NEK7: variants seen among roughly 807,000 people sequenced by gnomAD.
NEK7 encodes the protein NIMA related kinase 7, also known as serine/threonine-protein kinase Nek7.
Under a neutral mutation model 44.6 loss-of-function variants are expected in NEK7, and 18 were observed. That is an observed-to-expected ratio of 0.40 (90% CI 0.28 to 0.60). NEK7 has a LOEUF of 0.60. Ranked by LOEUF, NEK7 falls within the 20% of genes least tolerant of loss-of-function variation. NEK7 has a pLI of 0.38. For synonymous variants in NEK7, 130 were observed against 121.1 expected (o/e 1.07, Z -0.48); for missense variants, 256 against 366.5 (o/e 0.70, Z 2.46).
At chr1:198,211,954 A>T (rs1665786246) in intron 1 of NEK7, among the ~76,000 whole-genome samples, 7 of 152,228 alleles carry the variant, frequency 4.6e-5, no homozygotes, top group Admixed American at 4.6e-4. Flanking sequence ...GAGCGGGACA[A>T]TCCAGGCCAT....
intron 1 of NEK7, among the ~76,000 whole-genome samples, chr1:198,171,935 T>C (rs998245034): frequency 3.9e-5 from 6 of 152,340 alleles, no homozygotes; most frequent in African/African-American, 1.4e-4. Flanking sequence ...TGAACTCATG[T>C]AGTAGCAGTA....
intron 9 of NEK7, among the ~76,000 whole-genome samples, chr1:198,301,367 G>T (rs527396414): frequency 6.6e-6 from 1 of 152,102 alleles, no homozygotes; most frequent in South Asian, 2.1e-4. Context: ...TGGCTAACAC[G>T]GTGAAACCCC....
intron 4 of NEK7, 70 bp downstream of exon 4, chr1:198,262,707 T>G: frequency 2.2e-6 from 2 of 912,928 alleles, no homozygotes; most frequent in South Asian, 3.4e-5. Context: ...AATATCACAC[T>G]TAAACACAAA....
At chr1:198,172,294 TAAAG>T (rs1040665808) in intron 1 of NEK7, among the ~76,000 whole-genome samples, 20 of 152,258 alleles carry the variant, frequency 1.3e-4, no homozygotes, top group Middle Eastern at 3.4e-3. Flanking sequence ...TGAAATGAAA[TAAAG>T]AAACTAGAAA....
At chr1:198,318,024 G>A (rs558999194) in intron 9 of NEK7, among the ~76,000 whole-genome samples, 2 of 151,328 alleles carry the variant, frequency 1.3e-5, no homozygotes, top group African/African-American at 2.4e-5. Flanking sequence ...TCTTTTGGAA[G>A]GAATATAAAT....
intron 1 of NEK7, among the ~76,000 whole-genome samples, chr1:198,210,919 A>AT (rs967593560): frequency 1.3e-5 from 2 of 151,140 alleles, no homozygotes; most frequent in African/African-American, 4.9e-5. Context: ...CGCCCGGCTA[A>AT]TTTTTTGTAT....
intron 5 of NEK7, among the ~76,000 whole-genome samples, chr1:198,265,535 A>T (rs1653624774): frequency 6.6e-6 from 1 of 152,114 alleles, no homozygotes; most frequent in Admixed American, 6.6e-5. Flanking sequence ...AGACCGGCTG[A>T]CTAGAAACAG....
chr1:198,179,798 AGT>A (rs10554737), intron 1 of NEK7, among the ~76,000 whole-genome samples: 75,782 of 150,666 alleles, frequency 0.5, 22,486 homozygotes, highest in East Asian at 0.89. Context: ...GTTACACAGG[AGT>A]GTGTGTGTGT....
intron 9 of NEK7, among the ~76,000 whole-genome samples, chr1:198,315,080 A>G (rs1230785561): frequency 6.6e-6 from 1 of 152,118 alleles, no homozygotes; most frequent in Non-Finnish European, 1.5e-5. Flanking sequence ...GCTAGCAATC[A>G]GGGAGACTCC....
At chr1:198,227,183 A>G (rs528931360) in intron 1 of NEK7, among the ~76,000 whole-genome samples, 4 of 152,242 alleles carry the variant, frequency 2.6e-5, no homozygotes, top group South Asian at 4.1e-4. Flanking sequence ...CCGTGTCCCT[A>G]CAAAGGACAT....
At chr1:198,185,574 A>G (rs976695917) in intron 1 of NEK7, among the ~76,000 whole-genome samples, 1 of 152,150 alleles carries the variant, frequency 6.6e-6, no homozygotes, top group Non-Finnish European at 1.5e-5. Context: ...AATTTGTAAG[A>G]AACACCTTAT....
intron 7 of NEK7, among the ~76,000 whole-genome samples, chr1:198,281,741 G>T (rs1346607323): frequency 6.6e-6 from 1 of 151,900 alleles, no homozygotes; most frequent in Non-Finnish European, 1.5e-5. Context: ...AAACTATTTT[G>T]TATTTAACAG....
chr1:198,203,843 T>TG (rs575170365), intron 1 of NEK7, among the ~76,000 whole-genome samples: 2,897 of 152,046 alleles, frequency 0.019, 100 homozygotes, highest in African/African-American at 0.065. Context: ...CATTTTTTTT[T>TG]TGTGTGTGTG....
At chr1:198,160,144 T>C (rs1664059985) in intron 1 of NEK7, among the ~76,000 whole-genome samples, 1 of 152,212 alleles carries the variant, frequency 6.6e-6, no homozygotes, top group Admixed American at 6.5e-5. Context: ...CTAGGAACTA[T>C]CTGATGTTTT....
At chr1:198,201,556 C>G (rs1665429780) in intron 1 of NEK7, among the ~76,000 whole-genome samples, 2 of 152,150 alleles carry the variant, frequency 1.3e-5, no homozygotes, top group African/African-American at 2.4e-5. Flanking sequence ...CAAAAGGTTG[C>G]TAATTCCTGC....
Position 198,246,556 on chromosome 1 carries a change from G to C in NEK7, c.58-6484G>C, listed in dbSNP as rs190264183. Among the ~76,000 whole-genome samples the C allele has an allele frequency of 4.0e-3, 613 of 152,346 alleles. 24 individuals carry two copies. Among genetic ancestry groups the C allele is most frequent in the Admixed American group, 0.038 (576 of 15,302 alleles). On this transcript the variant is annotated intron_variant, in intron 2 of 9. Transcript: ENST00000367385. ...TCTGGCCCTCTTTCGCCACTCTGGC[G>C]GCCAAGCACAGGGAGGTGCCCAGTC... is the stretch of plus-strand genomic sequence containing the variant.
chr1:198,218,926 A>G (rs1279427183), intron 1 of NEK7, among the ~76,000 whole-genome samples: 1 of 151,928 alleles, frequency 6.6e-6, no homozygotes, highest in Non-Finnish European at 1.5e-5. Flanking sequence ...TGGCATGGAT[A>G]TGGTGAAAAA....
chr1:198,231,337 A>ATATATATATATATATAT (rs57756207), intron 1 of NEK7, among the ~76,000 whole-genome samples: 1 of 138,320 alleles, frequency 7.2e-6, no homozygotes, highest in Non-Finnish European at 1.5e-5. Context: ...ATATATATAT[A>ATATATATATATATATAT]AAAACACATG....
At chr1:198,187,944 A>G (rs1459135732) in intron 1 of NEK7, among the ~76,000 whole-genome samples, 1 of 152,170 alleles carries the variant, frequency 6.6e-6, no homozygotes, top group Non-Finnish European at 1.5e-5. Context: ...AGGGGGATTG[A>G]TTTCCATGGA....
Sources: allele counts gnomAD v4.1 joint callset (sites outside exome capture counted in the v4.1 genomes callset), GRCh38; gene constraint gnomAD v4.1.1; transcripts MANE v1.5; gene names NCBI Gene and HGNC (gene_info 2026-07-23, HGNC 2026-07-21).